MTMR12: variants seen among roughly 807,000 people sequenced by gnomAD.
MTMR12 encodes the protein myotubularin related protein 12.
In MTMR12, 33 loss-of-function variants were observed where a neutral mutation model predicts 96.7. That is an observed-to-expected ratio of 0.34 (90% CI 0.26 to 0.46). The LOEUF is 0.46. Ranked by LOEUF, MTMR12 falls within the 20% of genes least tolerant of loss-of-function variation. The pLI is 1.00. For synonymous variants in MTMR12, 298 were observed against 327.2 expected (o/e 0.91, Z 0.96); for missense variants, 721 against 896.1 (o/e 0.80, Z 2.49).
intron 2 of MTMR12, 108 bp downstream of exon 2, chr5:32,276,574 T>C (rs1025074408): frequency 2.2e-6 from 2 of 897,268 alleles, no homozygotes; most frequent in African/African-American, 1.7e-5. Flanking sequence ...TACTGTTATA[T>C]GTGAGAAGAT....
chr5:32,308,532 C>T (rs1337048824), intron 1 of MTMR12, among the ~76,000 whole-genome samples: 1 of 152,086 alleles, frequency 6.6e-6, no homozygotes, highest in East Asian at 1.9e-4. Context: ...ACCTGCATTT[C>T]CCGTAATATG....
At chr5:32,282,781 G>A (rs1354306341) in intron 1 of MTMR12, among the ~76,000 whole-genome samples, 1 of 152,214 alleles carries the variant, frequency 6.6e-6, no homozygotes, top group Non-Finnish European at 1.5e-5. Context: ...GGGTGGGTAG[G>A]AAGGACGGAA....
chr5:32,309,079 T>C (rs1178227037), intron 1 of MTMR12, among the ~76,000 whole-genome samples: 1 of 125,426 alleles, frequency 8.0e-6, no homozygotes, highest in Non-Finnish European at 1.7e-5. Flanking sequence ...CACTTCAGGC[T>C]TATTTTAGAC....
intron 13 of MTMR12, among the ~76,000 whole-genome samples, chr5:32,238,322 A>C (rs757469811): frequency 6.6e-6 from 1 of 151,890 alleles, no homozygotes; most frequent in Non-Finnish European, 1.5e-5. Flanking sequence ...CTCTCACCTC[A>C]CCTTCCCTGG....
intron 8 of MTMR12, among the ~76,000 whole-genome samples, chr5:32,253,206 C>A (rs1749010618): frequency 6.6e-6 from 1 of 152,096 alleles, no homozygotes; most frequent in Non-Finnish European, 1.5e-5. Context: ...ATAACAGCCC[C>A]CCACAACAAA....
chr5:32,290,208 G>A (rs186175511), intron 1 of MTMR12, among the ~76,000 whole-genome samples: 4 of 152,288 alleles, frequency 2.6e-5, no homozygotes, highest in Admixed American at 2.6e-4. Flanking sequence ...TACCTTCACT[G>A]TCCTACCTCA....
At chr5:32,274,802 T>A (rs1032835625) in intron 2 of MTMR12, among the ~76,000 whole-genome samples, 1 of 152,138 alleles carries the variant, frequency 6.6e-6, no homozygotes, top group African/African-American at 2.4e-5. Context: ...TCCTCCTCCA[T>A]CTGCAGCACC....
intron 8 of MTMR12, among the ~76,000 whole-genome samples, 171 bp from the exon 9 acceptor site, chr5:32,249,049 T>C (rs899077618): frequency 2.6e-5 from 4 of 152,214 alleles, no homozygotes; most frequent in Non-Finnish European, 5.9e-5. Context: ...AAAAGAATGA[T>C]TTAGTTTTAA....
Position 32,260,185 on chromosome 5 carries a change from G to A in MTMR12, c.713+2928C>T, listed in dbSNP as rs1363241346. On this transcript the variant is annotated intron_variant, in intron 7 of 15. Transcript: ENST00000382142. ...GGCAGGGAGGTCAGTATGGCCAGAG[G>A]GGTGGGACACAAAGCTGCAGTCAAA... 2.6e-5 allele frequency among the ~76,000 whole-genome samples: 4 copies of A among 151,644 alleles called. 1 individual carries two copies. The highest frequency in any genetic ancestry group is 5.9e-5 in the Non-Finnish European group (4 of 67,926).
rs1392289473 is a variant in MTMR12 at position 32,245,594 on chromosome 5, G to A, written c.1022-1995C>T. Among the ~76,000 whole-genome samples the A allele has an allele frequency of 5.3e-5, 8 of 152,242 alleles. No individual in the cohort carries two copies. In the South Asian group the frequency reaches 6.2e-4, roughly 12 times the overall value. Reference sequence around the variant, plus strand: ...TATAATCCCAGCACTTTGGGAGGCCGAGGAGGGTAGATCACTTGAGGTAAG... The same window carrying A: ...TATAATCCCAGCACTTTGGGAGGCCAAGGAGGGTAGATCACTTGAGGTAAG... On this transcript the variant is annotated intron_variant, in intron 10 of 15. Coordinates refer to ENST00000382142, the MANE Select transcript of MTMR12 (RefSeq NM_001040446.3).
chr5:32,234,090 C>T (rs1748112840), intron 14 of MTMR12, among the ~76,000 whole-genome samples, 156 bp from the exon 15 acceptor site: 1 of 152,190 alleles, frequency 6.6e-6, no homozygotes, highest in South Asian at 2.1e-4. Flanking sequence ...TGGTTATTCA[C>T]TACAAGCTTT....
chr5:32,246,409 G>A (rs1033115723), intron 10 of MTMR12, among the ~76,000 whole-genome samples: 5 of 152,064 alleles, frequency 3.3e-5, no homozygotes, highest in Admixed American at 6.6e-5. Context: ...TTATCCGCCC[G>A]TCTCAGCCTC....
chr5:32,308,662 G>A (rs1277443829), intron 1 of MTMR12, among the ~76,000 whole-genome samples: 8 of 151,620 alleles, frequency 5.3e-5, no homozygotes, highest in Admixed American at 5.3e-4. Context: ...ATGCAGTGGC[G>A]TGATCTTGGC....
Position 32,233,905 on chromosome 5 carries a change from C to T in MTMR12, c.1542G>A (p.Lys514=). The change falls in exon 15 of 16, where the codon AAG becomes AAA. Residue 514 remains lysine, a synonymous_variant. Transcript: ENST00000382142. The surrounding 1 kb of genome is among the most constrained non-coding windows in gnomAD (Gnocchi z 5.0). ...MGREGQDTQS[K]PLNLLTVWDW... ...CCCACACGGTGAGCAGATTCAAAGG[C>T]TTGCTTTGTGTATCCTGGCCTTCTC... is the stretch of plus-strand genomic sequence containing the variant. 1.2e-6 allele frequency: 2 copies of T among 1,614,200 alleles called. No homozygotes were observed. Among genetic ancestry groups the T allele is most frequent in the East Asian group, 2.2e-5 (1 of 44,888 alleles).
At chr5:32,254,310 G>C (rs1749059343) in intron 8 of MTMR12, among the ~76,000 whole-genome samples, 1 of 152,086 alleles carries the variant, frequency 6.6e-6, no homozygotes, top group Admixed American at 6.6e-5. Flanking sequence ...GGTGACTTTT[G>C]GTACAAAAGC....
intron 15 of MTMR12, among the ~76,000 whole-genome samples, chr5:32,231,525 A>G (rs1245838818): frequency 6.6e-6 from 1 of 152,208 alleles, no homozygotes; most frequent in Non-Finnish European, 1.5e-5. Context: ...TGAAGTAAGA[A>G]GAGATAACAA....
chr5:32,229,777 G>A lies in MTMR12; in HGVS notation c.*1C>T. The A allele has an allele frequency of 2.0e-6, 3 of 1,520,322 alleles. No homozygotes were observed. 94.2% of individuals were successfully genotyped at this position (1,520,322 alleles called of 1,614,324 possible). A position where few individuals can be genotyped will look rare whatever the true frequency, so the allele number is the denominator to read the frequency against. On this transcript the variant is annotated 3_prime_UTR_variant, in exon 16 of 16. Transcript: ENST00000382142. ...TCTTTCACAATCACTCAACAAACAG[G>A]TCACACATCCCCTAGGTCCACGAAC...
chr5:32,261,938 G>A (rs1027596210), intron 7 of MTMR12, among the ~76,000 whole-genome samples: 6 of 152,176 alleles, frequency 3.9e-5, no homozygotes, highest in East Asian at 3.9e-4. Flanking sequence ...CAGGCGTGGC[G>A]GCAGGTGCCT....
intron 1 of MTMR12, among the ~76,000 whole-genome samples, chr5:32,293,082 G>A (rs934302875): frequency 1.3e-5 from 2 of 152,152 alleles, no homozygotes; most frequent in African/African-American, 2.4e-5. Context: ...TATGTTAGGC[G>A]TAATTATGAC....
Sources: gnomAD v4.1 joint callset for allele counts (sites outside exome capture counted in the v4.1 genomes callset) on GRCh38, gnomAD v4.1.1 for gene constraint, Gnocchi (gnomAD v3.1) non-coding constraint, MANE v1.5 for transcripts, NCBI Gene and HGNC (gene_info 2026-07-23, HGNC 2026-07-21) for gene names.